Variants in IL12B observed in about 807,000 individuals in gnomAD.
IL12B encodes interleukin 12B, also known as interleukin-12 subunit beta.
Under a neutral mutation model 39.2 loss-of-function variants are expected in IL12B, and 27 were observed. The observed-to-expected ratio is 0.69, with a 90% CI of 0.51 to 0.95. The LOEUF (loss-of-function observed/expected upper bound fraction) is 0.95. Ranked by LOEUF, IL12B falls within the 40% of genes least tolerant of loss-of-function variation. IL12B has a pLI of 0.00. For missense variants in IL12B, 351 were observed against 397.6 expected, an observed-to-expected ratio of 0.88 and a Z score of 1.00; for synonymous variants, 142 against 152.1, an observed-to-expected ratio of 0.93 and a Z score of 0.49.
chr5:159,318,956 C>T, intron 5 of IL12B, 63 bp from the exon 6 acceptor site: 1 of 1,404,776 alleles, frequency 7.1e-7, no homozygotes, highest in Non-Finnish European at 1.0e-6. Context: ...GTGGTTTTGG[C>T]TTATGATCTC....
At chr5:159,327,022 A>G (rs552094740) in intron 1 of IL12B, among the ~76,000 whole-genome samples, 1 of 152,326 alleles carries the variant, frequency 6.6e-6, no homozygotes, top group African/African-American at 2.4e-5. Context: ...CTCTAAATAG[A>G]GAACCATAGG....
At position 159,320,306 on chromosome 5, in the gene IL12B, T is replaced by C; in HGVS notation, c.697A>G (p.Ile233Val). 1 of 1,613,372 alleles carries C rather than the reference T, an allele frequency of 6.2e-7. No individual in the cohort carries two copies. Among genetic ancestry groups the C allele is most frequent in the Non-Finnish European group, 8.5e-7 (1 of 1,179,346 alleles). The change falls in exon 5 of 8, where the codon ATC (isoleucine) becomes GTC (valine). Residue 233 changes from isoleucine to valine, a missense_variant and splice_region_variant. By Grantham distance (29) the Ile-to-Val change is conservative (BLOSUM62 3). Transcript: ENST00000231228. ...GCACATATAATCATCCAAAACTCAC[T>C]GATGTCCCTGATGAAGAAGCTGCTG... Reference protein sequence around the residue: ...YTSSFFIRDIIKPDPPKNLQL... With the variant: ...YTSSFFIRDIVKPDPPKNLQL...
At chr5:159,316,137 T>TCAAC (rs1753985436) in intron 7 of IL12B, 37 bp from the exon 8 acceptor site, 7 of 155,220 alleles carry the variant, frequency 4.5e-5, no homozygotes, top group Admixed American at 2.5e-4. Context: ...TGGGGTGACA[T>TCAAC]TGTAACAGCA....
At chr5:159,326,053 G>C (rs1754183451) in intron 2 of IL12B, among the ~76,000 whole-genome samples, 1 of 152,184 alleles carries the variant, frequency 6.6e-6, no homozygotes, top group South Asian at 2.1e-4. Context: ...AGTAATACTA[G>C]CTGACATTTA....
Position 159,318,807 on chromosome 5 carries a change from A to G in IL12B, c.784T>C (p.Trp262Arg). The G allele has an allele frequency of 6.2e-7, 1 of 1,613,232 alleles. No individual in the cohort carries two copies. Among genetic ancestry groups the G allele is most frequent in the Non-Finnish European group, 8.5e-7 (1 of 1,179,140 alleles). ...VEVSWEYPDT[W>R]STPHSYFSLT... ...GAGAAGTAGGAATGTGGAGTACTCC[A>G]GGTGTCAGGGTACTCCCAGCTGACC... The change falls in exon 6 of 8, where the codon TGG becomes CGG. Residue 262 changes from tryptophan to arginine, a missense_variant. Coordinates refer to ENST00000231228, the MANE Select transcript of IL12B (RefSeq NM_002187.3).
chr5:159,320,265 T>C, intron 5 of IL12B, 41 bp downstream of exon 5: 1 of 1,539,794 alleles, frequency 6.5e-7, no homozygotes, highest in Non-Finnish European at 9.0e-7. Context: ...TGACAAATAG[T>C]ATCTTTCCTT....
intron 2 of IL12B, 99 bp from the exon 3 acceptor site, chr5:159,323,428 C>T: frequency 1.8e-6 from 2 of 1,119,044 alleles, no homozygotes; most frequent in Non-Finnish European, 1.3e-6. Flanking sequence ...CTAAACACAA[C>T]CTTGTTTACA....
rs1443016024 is a variant in IL12B at position 159,318,670 on chromosome 5, T to C, written c.855+66A>G. On this transcript the variant is annotated intron_variant, in intron 6 of 7. Coordinates refer to ENST00000231228, the MANE Select transcript of IL12B (RefSeq NM_002187.3). ...TCATTGTTATTATCATCATTCATCT[T>C]CTCACTTTATGGTGGGCCTCCGTAA... The C allele has an allele frequency of 2.2e-6, 3 of 1,367,438 alleles. No homozygotes were observed. The South Asian group carries it at 3.5e-5, about 16-fold the overall frequency. 84.7% of individuals were successfully genotyped at this position (1,367,438 alleles called of 1,614,324 possible).
At chr5:159,316,642 A>C in intron 7 of IL12B, 43 bp downstream of exon 7, 1 of 1,590,592 alleles carries the variant, frequency 6.3e-7, no homozygotes, top group South Asian at 1.1e-5. Context: ...ATCCAGGTGC[A>C]CTGAGAGTGC....
Position 159,318,914 on chromosome 5 carries a change from G to A in IL12B, c.698-21C>T, listed in dbSNP as rs1351937801. 15 of 1,609,464 alleles carry A rather than the reference G, an allele frequency of 9.3e-6. No individual in the cohort carries two copies. In the Admixed American group the frequency reaches 2.5e-4, roughly 27 times the overall value. On this transcript the variant is annotated intron_variant, in intron 5 of 7. Coordinates refer to ENST00000231228, the MANE Select transcript of IL12B (RefSeq NM_002187.3). ...TTTGACTGTGGAAGAGGATAAACATGCTTTATTTTCCTAATAAGGCTTTGG... is the reference window on the plus strand; with the variant it reads ...TTTGACTGTGGAAGAGGATAAACATACTTTATTTTCCTAATAAGGCTTTGG...
At position 159,316,820 on chromosome 5, in the gene IL12B, C is replaced by T; in HGVS notation, c.856-4G>A. ...TGTCCGTGAAGACTCTATCTTTCTG[C>T]AAAAGAGAAGGAAAGCTGTGAAGAC... On this transcript the variant is annotated splice_region_variant and splice_polypyrimidine_tract_variant and intron_variant, in intron 6 of 7. Coordinates refer to ENST00000231228, the MANE Select transcript of IL12B (RefSeq NM_002187.3). 6.2e-7 allele frequency: 1 copy of T among 1,613,892 alleles called. No individual in the cohort carries two copies. The highest frequency in any genetic ancestry group is 8.5e-7 in the Non-Finnish European group (1 of 1,180,006).
intron 6 of IL12B, 60 bp downstream of exon 6, chr5:159,318,676 T>C (rs1754030118): frequency 2.1e-6 from 3 of 1,448,246 alleles, no homozygotes; most frequent in Non-Finnish European, 2.9e-6. Flanking sequence ...ATCTTCTCAC[T>C]TTATGGTGGG....
chr5:159,322,502 T>A lies in IL12B; in HGVS notation c.374A>T (p.Asn125Ile), dbSNP rs1161325734. The change falls in exon 4 of 8, where the codon AAT becomes ATT. Residue 125 changes from asparagine (N) to isoleucine (I), a missense_variant. By Grantham distance (149) the Asn-to-Ile change is moderately radical. Coordinates refer to ENST00000231228, the MANE Select transcript of IL12B (RefSeq NM_002187.3). ...DILKDQKEPKNKTFLRCEAKN... is the reference protein window; with the variant it reads ...DILKDQKEPKIKTFLRCEAKN... ...GGCCTCGCATCTTAGAAAGGTCTTA[T>A]TTTTGGGTTCTGGATTTGAAAAAAA... The A allele has an allele frequency of 6.2e-7, 1 of 1,610,392 alleles. No homozygotes were observed. Among genetic ancestry groups the A allele is most frequent in the Non-Finnish European group, 8.5e-7 (1 of 1,176,632 alleles).
At chr5:159,318,088 G>T in intron 6 of IL12B, 1 of 154,720 alleles carries the variant, frequency 6.5e-6, no homozygotes, top group South Asian at 1.8e-4. Context: ...AGCACGTAGT[G>T]AGGGCAGTGC....
chr5:159,326,178 A>G (rs1304384109), intron 2 of IL12B, among the ~76,000 whole-genome samples: 1 of 152,224 alleles, frequency 6.6e-6, no homozygotes, highest in African/African-American at 2.4e-5. Context: ...ATTCAGGATT[A>G]GAGGTGACCC....
intron 4 of IL12B, 116 bp from the exon 5 acceptor site, chr5:159,320,636 A>G (rs1006316065): frequency 8.2e-6 from 7 of 858,240 alleles, no homozygotes; most frequent in African/African-American, 1.7e-5. Context: ...AGTTTCTCCA[A>G]CTGGGCTGAT....
At chr5:159,326,549 T>C (rs181302572) in intron 2 of IL12B, 146 bp downstream of exon 2, 1 of 648,536 alleles carries the variant, frequency 1.5e-6, no homozygotes, top group East Asian at 2.6e-5. Context: ...AAGAGAGATA[T>C]GGCATTGCAT....
intron 4 of IL12B, 98 bp downstream of exon 4, chr5:159,322,296 C>G: frequency 1.2e-6 from 1 of 834,258 alleles, no homozygotes. Context: ...TTTGCTTTTC[C>G]CATTATCATT....
At chr5:159,320,621 G>A in intron 4 of IL12B, 101 bp from the exon 5 acceptor site, 2 of 964,730 alleles carry the variant, frequency 2.1e-6, no homozygotes, top group Non-Finnish European at 1.6e-6. Flanking sequence ...GTTGTCTGAG[G>A]ACACAGTTTC....
Sources: gnomAD v4.1 joint callset for allele counts (sites outside exome capture counted in the v4.1 genomes callset) on GRCh38, gnomAD v4.1.1 for gene constraint, MANE v1.5 for transcripts, NCBI Gene and HGNC (gene_info 2026-07-23, HGNC 2026-07-21) for gene names.